ONECUT1: variants seen among roughly 807,000 people sequenced by gnomAD.
The protein encoded by ONECUT1 is hepatocyte nuclear factor 6.
In ONECUT1, 12 loss-of-function variants were observed where a neutral mutation model predicts 25.6. The observed-to-expected ratio is 0.47, with a 90% CI of 0.30 to 0.76. The LOEUF is 0.76. Among genes scored for constraint, ONECUT1 ranks in the 30% least tolerant of loss-of-function variants. ONECUT1 has a pLI of 0.07. For missense variants in ONECUT1, 620 were observed against 651.2 expected, an observed-to-expected ratio of 0.95 and a Z score of 0.52; for synonymous variants, 285 against 270.2, an observed-to-expected ratio of 1.05 and a Z score of -0.54.
Position 52,757,653 on chromosome 15 carries a change from T to G in ONECUT1, c.1300A>C (p.Met434Leu). ...TCCAGACTCCTCCTTCTTGCGTTCATGAAGAAGTTGCTGACAGTGCTCAGC... is the reference window on the plus strand; with the variant it reads ...TCCAGACTCCTCCTTCTTGCGTTCAGGAAGAAGTTGCTGACAGTGCTCAGC... ...LELSTVSNFF[M>L]NARRRSLDKW... Residue 434 changes from methionine to leucine, a missense_variant, in exon 2 of 2, where the codon ATG becomes CTG. By Grantham distance (15) the Met-to-Leu change is conservative. Transcript: ENST00000305901. The G allele has an allele frequency of 6.2e-7, 1 of 1,614,174 alleles. No homozygotes were observed. Among genetic ancestry groups the G allele is most frequent in the Non-Finnish European group, 8.5e-7 (1 of 1,180,012 alleles).
At chr15:52,779,223 A>G (rs1184368192) in intron 1 of ONECUT1, among the ~76,000 whole-genome samples, 1 of 151,874 alleles carries the variant, frequency 6.6e-6, no homozygotes, top group Non-Finnish European at 1.5e-5. Context: ...AGCTGGGACT[A>G]CAGGTGCAGG....
At chr15:52,774,746 A>C (rs1306608923) in intron 1 of ONECUT1, among the ~76,000 whole-genome samples, 1 of 152,248 alleles carries the variant, frequency 6.6e-6, no homozygotes, top group Non-Finnish European at 1.5e-5. Context: ...AAAAAAGTAT[A>C]TATAAGCGGT....
Position 52,788,513 on chromosome 15 carries a change from C to G in ONECUT1, c.1105+267G>C, listed in dbSNP as rs552705407. On this transcript the variant is annotated intron_variant, in intron 1 of 1. Transcript: ENST00000305901. The surrounding 1 kb of genome is among the most constrained non-coding windows in gnomAD (Gnocchi z 4.3). ...AGGCCGTACGAGCTTCCCTCGCTGT[C>G]CCTGAGCGCAAATGAGCCTCTTCAG... The G allele has an allele frequency of 4.4e-6, 2 of 458,388 alleles. No homozygotes were observed. The highest frequency in any genetic ancestry group is 7.8e-6 in the Non-Finnish European group (2 of 256,822). 28.4% of individuals were successfully genotyped at this position (458,388 alleles called of 1,614,324 possible).
Position 52,788,725 on chromosome 15 carries a change from C to T in ONECUT1, c.1105+55G>A. ...CTCTCCTACCCTTCCTCCTTTGGTC[C>T]CTTCGGCTTTCGTGTACCTTATCTC... On this transcript the variant is annotated intron_variant, in intron 1 of 1. Coordinates refer to ENST00000305901, the MANE Select transcript of ONECUT1 (RefSeq NM_004498.4). This position sits in a 1 kb window ranked among gnomAD's most constrained non-coding sequence, Gnocchi z 4.3. 1 of 1,547,232 alleles carries T rather than the reference C, an allele frequency of 6.5e-7. No individual in the cohort carries two copies.
Position 52,755,577 on chromosome 15 carries a change from C to T in ONECUT1, c.*1978G>A, listed in dbSNP as rs910549528. On this transcript the variant is annotated 3_prime_UTR_variant, in exon 2 of 2. Transcript: ENST00000305901. ...GGCTTGTTGGTTTTGCTTTACCTCT[C>T]TAGTTGCCTGCCTGTTACAGACCTA... 5.9e-5 allele frequency among the ~76,000 whole-genome samples: 9 copies of T among 152,346 alleles called. No individual in the cohort carries two copies. The highest frequency in any genetic ancestry group is 5.2e-4 in the Admixed American group (8 of 15,306).
At chr15:52,769,669 A>G (rs2083755013) in intron 1 of ONECUT1, among the ~76,000 whole-genome samples, 2 of 152,216 alleles carry the variant, frequency 1.3e-5, no homozygotes, top group Admixed American at 1.3e-4. Flanking sequence ...GAGCTGGAGA[A>G]GCAGAAGGCA....
chr15:52,781,160 G>C (rs954756377), intron 1 of ONECUT1: 1 of 153,710 alleles, frequency 6.5e-6, no homozygotes, highest in African/African-American at 2.4e-5. Context: ...CTGAGCCCTT[G>C]GGCCCCCCTC....
At chr15:52,777,694 GAA>G (rs2083809635) in intron 1 of ONECUT1, among the ~76,000 whole-genome samples, 1 of 113,732 alleles carries the variant, frequency 8.8e-6, no homozygotes, top group African/African-American at 4.6e-5. Context: ...CTCCTTCCTG[GAA>G]AACACACACA....
chr15:52,765,137 G>C (rs1202862694), intron 1 of ONECUT1, among the ~76,000 whole-genome samples: 1 of 152,204 alleles, frequency 6.6e-6, no homozygotes, highest in Admixed American at 6.5e-5. Context: ...AAATCCACAG[G>C]GATAGAAAGC....
intron 1 of ONECUT1, chr15:52,786,898 C>T (rs1462390053): frequency 6.6e-6 from 1 of 152,268 alleles, no homozygotes; most frequent in Admixed American, 6.6e-5. Flanking sequence ...CCATTTCTAT[C>T]TTCTTCCCAC....
chr15:52,757,502 A>G lies in ONECUT1; in HGVS notation c.*53T>C. On this transcript the variant is annotated 3_prime_UTR_variant, in exon 2 of 2. Transcript: ENST00000305901. Reference sequence around the variant, plus strand: ...ATCTTGAGGTCCTGGTCTTTTAAAAATTTTTTTTAATTTAAAGCTTTTCCA... The same window carrying G: ...ATCTTGAGGTCCTGGTCTTTTAAAAGTTTTTTTTAATTTAAAGCTTTTCCA... 1.3e-6 allele frequency: 2 copies of G among 1,538,428 alleles called. No homozygotes were observed. Among genetic ancestry groups the G allele is most frequent in the Non-Finnish European group, 1.7e-6 (2 of 1,145,216 alleles).
intron 1 of ONECUT1, among the ~76,000 whole-genome samples, chr15:52,772,728 G>T (rs953805267): frequency 6.6e-6 from 1 of 152,180 alleles, no homozygotes; most frequent in Non-Finnish European, 1.5e-5. Flanking sequence ...TCCAAGAGAT[G>T]AACTAAAGAA....
At chr15:52,782,536 G>A (rs1292047917) in intron 1 of ONECUT1, among the ~76,000 whole-genome samples, 2 of 152,064 alleles carry the variant, frequency 1.3e-5, no homozygotes, top group Non-Finnish European at 2.9e-5. Context: ...GAAATAATGT[G>A]GCTTTCTTCT....
At chr15:52,762,113 T>C (rs1370271038) in intron 1 of ONECUT1, among the ~76,000 whole-genome samples, 2 of 152,176 alleles carry the variant, frequency 1.3e-5, no homozygotes, top group African/African-American at 4.8e-5. Flanking sequence ...AGACTTGACT[T>C]ATTTATCATT....
At chr15:52,787,414 G>C (rs1380382047) in intron 1 of ONECUT1, among the ~76,000 whole-genome samples, 1 of 152,066 alleles carries the variant, frequency 6.6e-6, no homozygotes, top group East Asian at 1.9e-4. Context: ...TCATTGGCAG[G>C]CACGAGTTGG....
At chr15:52,774,288 G>GTTATTTATTTATTTATTTATTTATTTAT (rs369887471) in intron 1 of ONECUT1, among the ~76,000 whole-genome samples, 48 of 150,118 alleles carry the variant, frequency 3.2e-4, no homozygotes, top group African/African-American at 5.4e-4. Flanking sequence ...AAGAAATGAA[G>GTTATTTATTTATTTATTTATTTATTTAT]TTATTTATTT....
intron 1 of ONECUT1, among the ~76,000 whole-genome samples, chr15:52,775,280 C>T (rs1471864773): frequency 6.6e-6 from 1 of 151,978 alleles, no homozygotes; most frequent in African/African-American, 2.4e-5. Flanking sequence ...GGGGTGGTCA[C>T]CCTGTACTAC....
In ONECUT1 at chr15:52,789,833, G is replaced by C. The variant is rs771586823; in HGVS notation, c.52C>G (p.His18Asp). The C allele has an allele frequency of 6.5e-7, 1 of 1,542,086 alleles. No homozygotes were observed. The highest frequency in any genetic ancestry group is 1.9e-5 in the Admixed American group (1 of 52,270). ...TCGGCAGGGGCGGGCACCGGCTCAT[G>C]GCTCACCCCGTGCAGCTCGCCGATC... ...EAIGELHGVS[H>D]EPVPAPADLL... is the part of the protein sequence containing the mutation. Residue 18 changes from histidine (H) to aspartate (D), a missense_variant, in exon 1 of 2, where the codon CAT becomes GAT. Transcript: ENST00000305901. This position sits in a 1 kb window ranked among gnomAD's most constrained non-coding sequence, Gnocchi z 4.1.
chr15:52,759,529 T>C (rs2083693283), intron 1 of ONECUT1, among the ~76,000 whole-genome samples: 1 of 152,276 alleles, frequency 6.6e-6, no homozygotes, highest in Non-Finnish European at 1.5e-5. Flanking sequence ...TATTCCCTTA[T>C]ATTATTTATT....
Sources: allele counts gnomAD v4.1 joint callset (sites outside exome capture counted in the v4.1 genomes callset), GRCh38; gene constraint gnomAD v4.1.1; non-coding constraint Gnocchi (gnomAD v3.1); transcripts MANE v1.5; gene names NCBI Gene and HGNC (gene_info 2026-07-23, HGNC 2026-07-21).